CCDC88B: variants seen among roughly 807,000 people sequenced by gnomAD.
The protein encoded by CCDC88B is coiled-coil and HOOK domain protein 88B, also known as coiled-coil domain-containing protein 88B.
Under a neutral mutation model 183.7 loss-of-function variants are expected in CCDC88B, and 138 were observed. That is an observed-to-expected ratio of 0.75 (90% CI 0.65 to 0.87). The LOEUF is 0.87. CCDC88B is among the 40% of genes least tolerant of loss of function. CCDC88B has a pLI of 0.00. For synonymous variants in CCDC88B, 835 were observed against 867.5 expected, an observed-to-expected ratio of 0.96 and a Z score of 0.66; for missense variants, 1,822 against 1,965.6, an observed-to-expected ratio of 0.93 and a Z score of 1.38.
intron 8 of CCDC88B, 37 bp downstream of exon 8, chr11:64,342,176 G>A: frequency 6.2e-7 from 1 of 1,600,250 alleles, no homozygotes; most frequent in Non-Finnish European, 8.5e-7. Context: ...ACTGAGTGGA[G>A]AGGGGCAGAT....
chr11:64,346,915 C>T (rs978018879), intron 14 of CCDC88B, among the ~76,000 whole-genome samples: 1 of 151,950 alleles, frequency 6.6e-6, no homozygotes, highest in Non-Finnish European at 1.5e-5. Flanking sequence ...CTGCCTCAGC[C>T]TCTCGTGTAG....
In CCDC88B at chr11:64,341,129, C is replaced by G; in HGVS notation, c.339C>G (p.Ile113Met). The change falls in exon 4 of 27, where the codon ATC becomes ATG. Residue 113 changes from isoleucine (I) to methionine (M), a missense_variant. By Grantham distance (10) the Ile-to-Met change is conservative. Coordinates refer to ENST00000356786, the MANE Select transcript of CCDC88B (RefSeq NM_032251.6). ...DFYQEELQLLILSPPPDLQTL... is the reference protein window; with the variant it reads ...DFYQEELQLLMLSPPPDLQTL... The stretch of plus-strand genomic sequence containing the variant: ...TCCAGGAGGAGCTGCAGCTGCTGAT[C>G]CTGTCGCCACCCCCAGACCTCCAGA... 6.2e-7 allele frequency: 1 copy of G among 1,614,126 alleles called. No homozygotes were observed. Among genetic ancestry groups the G allele is most frequent in the Non-Finnish European group, 8.5e-7 (1 of 1,180,020 alleles).
intron 23 of CCDC88B, 21 bp downstream of exon 23, chr11:64,353,834 C>T (rs1162697747): frequency 1.2e-6 from 2 of 1,613,150 alleles, no homozygotes; most frequent in African/African-American, 2.7e-5. Context: ...CTGTCACCTC[C>T]CTCAGGCTGG....
chr11:64,341,151 C>T lies in CCDC88B; in HGVS notation c.361C>T (p.Gln121Ter). The change falls in exon 4 of 27, where the codon CAG becomes TAG. Residue 121 changes from glutamine to a stop codon, truncating the protein, a stop_gained. Coordinates refer to ENST00000356786, the MANE Select transcript of CCDC88B (RefSeq NM_032251.6). LOFTEE classifies it high-confidence loss of function. The stretch of plus-strand genomic sequence containing the variant: ...GATCCTGTCGCCACCCCCAGACCTC[C>T]AGACATTGGGATTTGACCCTCTCTC... ...LLILSPPPDLQTLGFDPLSEE... is the reference protein window; with the variant it reads ...LLILSPPPDL 6.2e-7 allele frequency: 1 copy of T among 1,614,132 alleles called. No individual in the cohort carries two copies. The highest frequency in any genetic ancestry group is 8.5e-7 in the Non-Finnish European group (1 of 1,180,012).
chr11:64,349,748 C>T (rs1249767537), intron 16 of CCDC88B, 80 bp downstream of exon 16: 1 of 1,325,988 alleles, frequency 7.5e-7, no homozygotes, highest in African/African-American at 1.5e-5. Flanking sequence ...GTCATCTGTC[C>T]TCCTAGTCTT....
Position 64,355,305 on chromosome 11 carries a change from G to C in CCDC88B, c.4211G>C (p.Arg1404Pro). Residue 1404 changes from arginine to proline, a missense_variant, in exon 25 of 27, where the codon CGA becomes CCA. Coordinates refer to ENST00000356786, the MANE Select transcript of CCDC88B (RefSeq NM_032251.6). ...RKLSSRFPVG[R>P]SSESFSPGDT... ...CTCAGCTCAAGGTTCCCGGTGGGGCGAAGCTCTGAGTCATTCAGCCCTGGG... is the reference window on the plus strand; with the variant it reads ...CTCAGCTCAAGGTTCCCGGTGGGGCCAAGCTCTGAGTCATTCAGCCCTGGG... 6.3e-7 allele frequency: 1 copy of C among 1,592,052 alleles called. No individual in the cohort carries two copies. The highest frequency in any genetic ancestry group is 8.5e-7 in the Non-Finnish European group (1 of 1,170,020).
In CCDC88B at chr11:64,354,063, G is replaced by C. The variant is rs1261950855; in HGVS notation, c.3992G>C (p.Gly1331Ala). ...CTGATGCGGCCCCGGCGGGAGGGGG[G>C]CCCCCCTGGGGGGCTGCGCCTGGGG... ...KRLMRPRREG[G>A]PPGGLRLGAD... The change falls in exon 24 of 27, where the codon GGC becomes GCC. Residue 1331 changes from glycine to alanine, a missense_variant. Physicochemically the swap from Gly to Ala is moderately conservative, Grantham distance 60. Coordinates refer to ENST00000356786, the MANE Select transcript of CCDC88B (RefSeq NM_032251.6). The C allele has an allele frequency of 9.0e-6, 13 of 1,448,722 alleles. No individual in the cohort carries two copies. Among genetic ancestry groups the C allele is most frequent in the African/African-American group, 2.8e-5 (2 of 70,444 alleles). The allele number at this position is 1,448,722 out of a possible 1,614,324, so 89.7% of individuals were successfully genotyped here. A position where few individuals can be genotyped will look rare whatever the true frequency, so the allele number is the denominator to read the frequency against.
chr11:64,340,368 C>A, intron 1 of CCDC88B, 42 bp downstream of exon 1: 1 of 1,284,270 alleles, frequency 7.8e-7, no homozygotes. Flanking sequence ...GGGAAGTGAG[C>A]CCCAGCCAGG....
rs2036358781 is a variant in CCDC88B, at chr11:64,352,159, C to T, written c.3129C>T (p.Gly1043=). 2 of 1,594,876 alleles carry T rather than the reference C, an allele frequency of 1.3e-6. No individual in the cohort carries two copies. Among genetic ancestry groups the T allele is most frequent in the Non-Finnish European group, 1.7e-6 (2 of 1,167,006 alleles). The change falls in exon 19 of 27, where the codon GGC becomes GGT. Residue 1043 remains glycine, a synonymous_variant. Coordinates refer to ENST00000356786, the MANE Select transcript of CCDC88B (RefSeq NM_032251.6). ...QAEKSVLEIQ[G]QELHRKLEVL... is the part of the protein sequence containing the mutation. ...AGAAGTCTGTGCTGGAGATTCAGGG[C>T]CAGGAGCTGCACCGGAAGCTGGAGG...
chr11:64,345,256 A>G (rs1048116197), intron 14 of CCDC88B, 99 bp downstream of exon 14: 2 of 1,335,628 alleles, frequency 1.5e-6, no homozygotes, highest in South Asian at 1.4e-5. Flanking sequence ...GGTGCCCAGC[A>G]CTGAGCTGGG....
At chr11:64,348,179 T>G in intron 14 of CCDC88B, among the ~76,000 whole-genome samples, 1 of 146,934 alleles carries the variant, frequency 6.8e-6, no homozygotes, top group African/African-American at 2.6e-5. Flanking sequence ...TGGCAGCAGG[T>G]AGGCAGTGAA....
rs2035884372 is a variant in CCDC88B, at chr11:64,342,027, C to T, written c.709C>T (p.Leu237Phe). 1.2e-6 allele frequency: 2 copies of T among 1,612,846 alleles called. No homozygotes were observed. Among genetic ancestry groups the T allele is most frequent in the African/African-American group, 1.3e-5 (1 of 75,014 alleles). The change falls in exon 8 of 27, where the codon CTC becomes TTC. Residue 237 changes from leucine to phenylalanine, a missense_variant. By Grantham distance (22) the Leu-to-Phe change is conservative (BLOSUM62 0). Coordinates refer to ENST00000356786, the MANE Select transcript of CCDC88B (RefSeq NM_032251.6). ...TGAACTGCTGCTGGAGCGAGAACCC[C>T]TCTGCTTGAGGCCTGAGGCTCCCTC... is the stretch of plus-strand genomic sequence containing the variant. ...LAELLLEREP[L>F]CLRPEAPSRA...
At position 64,343,318 on chromosome 11, in the gene CCDC88B, C is replaced by T; in HGVS notation, c.1202C>T (p.Ala401Val). 6.5e-7 allele frequency: 1 copy of T among 1,550,372 alleles called. No individual in the cohort carries two copies. Among genetic ancestry groups the T allele is most frequent in the Non-Finnish European group, 8.7e-7 (1 of 1,146,772 alleles). ...NLLLRTRLGE[A>V]HAELDSLRHQ... The stretch of plus-strand genomic sequence containing the variant: ...CTGCTGCGAACCCGGCTGGGCGAGG[C>T]CCATGCGGTAAGGTAGCCAGAGTGA... Residue 401 changes from alanine (A) to valine (V), a missense_variant, in exon 11 of 27, where the codon GCC becomes GTC. By Grantham distance (64) the Ala-to-Val change is moderately conservative (BLOSUM62 0). Coordinates refer to ENST00000356786, the MANE Select transcript of CCDC88B (RefSeq NM_032251.6).
intron 12 of CCDC88B, 27 bp from the exon 13 acceptor site, chr11:64,343,751 G>A: frequency 6.5e-7 from 1 of 1,537,120 alleles, no homozygotes; most frequent in East Asian, 2.4e-5. Context: ...GTAAAGGAGG[G>A]GTCCTGACCT....
chr11:64,345,568 G>C (rs2036075567), intron 14 of CCDC88B, among the ~76,000 whole-genome samples: 1 of 152,208 alleles, frequency 6.6e-6, no homozygotes, highest in Non-Finnish European at 1.5e-5. Flanking sequence ...TGGTTATTCA[G>C]AGCCAAGTGC....
chr11:64,351,316 A>C, intron 17 of CCDC88B, 61 bp downstream of exon 17: 2 of 1,496,178 alleles, frequency 1.3e-6, no homozygotes, highest in Non-Finnish European at 1.8e-6. Context: ...GTGTGGGTCC[A>C]CGGTGGACCC....
intron 20 of CCDC88B, 58 bp from the exon 21 acceptor site, chr11:64,352,996 C>T: frequency 1.3e-6 from 2 of 1,518,268 alleles, no homozygotes; most frequent in Non-Finnish European, 1.8e-6. Flanking sequence ...ACTTCTCTGG[C>T]CAGCACTCGG....
chr11:64,351,513 G>T lies in CCDC88B; in HGVS notation c.2996G>T (p.Gly999Val). The part of the protein sequence containing the change: ...MLVAEKAALQ[G>V]QLQHLEGQLG... ...GTGGCAGAGAAGGCAGCTTTGCAGG[G>T]GCAGCTGCAGCACCTGGAGGGGCAG... Residue 999 changes from glycine to valine, a missense_variant, in exon 18 of 27, where the codon GGG becomes GTG. Coordinates refer to ENST00000356786, the MANE Select transcript of CCDC88B (RefSeq NM_032251.6). 6.3e-7 allele frequency: 1 copy of T among 1,583,726 alleles called. No homozygotes were observed. The highest frequency in any genetic ancestry group is 8.5e-7 in the Non-Finnish European group (1 of 1,172,468).
At position 64,341,000 on chromosome 11, in the gene CCDC88B, A is replaced by C; in HGVS notation, c.300A>C (p.Arg100=). Residue 100 remains arginine (R), a synonymous_variant, in exon 3 of 27, where the codon CGA becomes CGC. Transcript: ENST00000356786. ...GGAACCTGAACCACCTGTGGGGCCG[A>C]CTGAGGGACTTCTACCAGGTAAGGG... ...RVWNLNHLWG[R]LRDFYQEELQ... 3 of 1,609,580 alleles carry C rather than the reference A, an allele frequency of 1.9e-6. No homozygotes were observed. Among genetic ancestry groups the C allele is most frequent in the Non-Finnish European group, 2.5e-6 (3 of 1,177,464 alleles).
Sources: allele counts gnomAD v4.1 joint callset (sites outside exome capture counted in the v4.1 genomes callset), GRCh38; gene constraint gnomAD v4.1.1; transcripts MANE v1.5; gene names NCBI Gene and HGNC (gene_info 2026-07-23, HGNC 2026-07-21).